CARF: variants seen among roughly 807,000 people sequenced by gnomAD.
The protein encoded by CARF is calcium-responsive transcription factor.
A neutral mutation model predicts 82.0 loss-of-function variants in CARF; 57 were observed. The ratio of observed to expected loss-of-function variants is 0.70; its 90% CI spans 0.56 to 0.87. The LOEUF (loss-of-function observed/expected upper bound fraction) is 0.87. Ranked by LOEUF, CARF falls within the 40% of genes least tolerant of loss-of-function variation. CARF has a pLI of 0.00. For missense variants in CARF, 771 were observed against 855.8 expected, an observed-to-expected ratio of 0.90 and a Z score of 1.24; for synonymous variants, 268 against 290.1, an observed-to-expected ratio of 0.92 and a Z score of 0.77.
rs2060483132 is a variant in CARF, at chr2:202,987,379, C to T, written c.*3755C>T. 6.6e-6 allele frequency among the ~76,000 whole-genome samples: 1 copy of T among 151,354 alleles called. No homozygotes were observed. Among genetic ancestry groups the T allele is most frequent in the African/African-American group, 2.4e-5 (1 of 41,148 alleles). ...TCTTTGCTTTTTTTTAAACTTTATT[C>T]CACTCTGTACCTATTTTTGAGGACC... On this transcript the variant is annotated 3_prime_UTR_variant, in exon 17 of 17. Transcript: ENST00000438828.
chr2:202,914,788 AAAACAAAC>A lies in CARF; in HGVS notation c.-330+1690_-330+1697del, dbSNP rs1220685103. ...GAGTGAAACTCCATCTCAAAAAAAA[AAAACAAAC>A]AAAAAATCAGAGCAAAAAGGTAAAA... On this transcript the variant is annotated intron_variant, in intron 1 of 16. Transcript: ENST00000438828. 9.5e-5 allele frequency among the ~76,000 whole-genome samples: 14 copies of A among 147,860 alleles called. 2 individuals carry two copies. Among genetic ancestry groups the A allele is most frequent in the Admixed American group, 5.4e-4 (8 of 14,750 alleles).
chr2:202,949,941 G>A (rs2058683534), intron 5 of CARF, among the ~76,000 whole-genome samples: 1 of 152,110 alleles, frequency 6.6e-6, no homozygotes, highest in African/African-American at 2.4e-5. Context: ...AAGCTGAATT[G>A]GTCTTTTGAA....
intron 8 of CARF, among the ~76,000 whole-genome samples, chr2:202,958,814 A>G (rs1390136531): frequency 1.3e-5 from 2 of 151,076 alleles, no homozygotes; most frequent in Non-Finnish European, 2.9e-5. Flanking sequence ...CTGAGGCAGG[A>G]GAATCGCTTG....
chr2:202,960,325 C>A (rs1344860782), intron 8 of CARF, among the ~76,000 whole-genome samples: 4 of 151,948 alleles, frequency 2.6e-5, no homozygotes, highest in Non-Finnish European at 5.9e-5. Context: ...TCTCAACTCA[C>A]TGCAACCTCC....
At chr2:202,961,196 G>A (rs371806353) in intron 8 of CARF, 41 bp from the exon 9 acceptor site, 100 of 1,487,964 alleles carry the variant, frequency 6.7e-5, no homozygotes, top group Non-Finnish European at 9.1e-5. Context: ...ATGCAATGAA[G>A]TGTATTGCTA....
chr2:202,975,987 G>A (rs2060008063), intron 13 of CARF, among the ~76,000 whole-genome samples: 1 of 151,996 alleles, frequency 6.6e-6, no homozygotes, highest in South Asian at 2.1e-4. Flanking sequence ...GGAGGTTGCA[G>A]TGAGCCATGA....
chr2:202,980,616 GTA>G lies in CARF; in HGVS notation c.1559-894_1559-893del, dbSNP rs34656288. Among the ~76,000 whole-genome samples, 222 of 42,524 alleles carry G rather than the reference GTA, an allele frequency of 5.2e-3. 1 individual carries two copies. Among genetic ancestry groups the G allele is most frequent in the African/African-American group, 0.019 (111 of 5,992 alleles). The allele number at this position is 42,524 out of a possible 152,430, so 27.9% of individuals were successfully genotyped here. ...GAGTTACAGATATAGCGTCTTTCAAGTATATATATATATATATATATATATAT... is the reference window on the plus strand; with the variant it reads ...GAGTTACAGATATAGCGTCTTTCAAGTATATATATATATATATATATATAT... On this transcript the variant is annotated intron_variant, in intron 14 of 16. Coordinates refer to ENST00000438828, the MANE Select transcript of CARF (RefSeq NM_024744.17).
At chr2:202,935,087 T>A (rs980690113) in intron 3 of CARF, among the ~76,000 whole-genome samples, 8 of 94,836 alleles carry the variant, frequency 8.4e-5, no homozygotes, top group African/African-American at 1.4e-4. Context: ...AAAAAAAAAA[T>A]ACATATTATA....
chr2:202,921,599 C>G (rs1690802569), intron 2 of CARF, among the ~76,000 whole-genome samples: 1 of 152,018 alleles, frequency 6.6e-6, no homozygotes, highest in African/African-American at 2.4e-5. Context: ...TCTTGATCAT[C>G]CTTGTATCTC....
intron 9 of CARF, among the ~76,000 whole-genome samples, chr2:202,965,992 C>G (rs1207974020): frequency 6.6e-6 from 1 of 152,172 alleles, no homozygotes; most frequent in East Asian, 1.9e-4. Context: ...GGTCTACTTT[C>G]AGATTCACTC....
intron 8 of CARF, 134 bp from the exon 9 acceptor site, chr2:202,961,103 C>T: frequency 2.9e-6 from 2 of 698,256 alleles, no homozygotes; most frequent in South Asian, 2.0e-5. Context: ...TGTAATAGAC[C>T]ATTGATCTGA....
In CARF at chr2:202,974,322, T is replaced by C; in HGVS notation, c.1332-12T>C. The C allele has an allele frequency of 6.4e-7, 1 of 1,567,496 alleles. No homozygotes were observed. The highest frequency in any genetic ancestry group is 8.6e-7 in the Non-Finnish European group (1 of 1,164,820). On this transcript the variant is annotated splice_polypyrimidine_tract_variant and intron_variant, in intron 12 of 16. Coordinates refer to ENST00000438828, the MANE Select transcript of CARF (RefSeq NM_024744.17). The stretch of plus-strand genomic sequence containing the variant: ...TGGTTTATGTCTTTATTCCATTTTG[T>C]ATTCTTTACAGAAAATTTGTGGAAA...
At chr2:202,946,211 A>G (rs530691987) in intron 5 of CARF, among the ~76,000 whole-genome samples, 2 of 152,356 alleles carry the variant, frequency 1.3e-5, no homozygotes, top group African/African-American at 4.8e-5. Context: ...AGCAAAAAGA[A>G]CAAAGCTAGA....
chr2:202,982,626 T>A (rs146978753), intron 16 of CARF, among the ~76,000 whole-genome samples, 185 bp downstream of exon 16: 2 of 152,296 alleles, frequency 1.3e-5, no homozygotes, highest in East Asian at 3.9e-4. Flanking sequence ...TAACCTTAAA[T>A]TTTCTTCTTC....
intron 2 of CARF, among the ~76,000 whole-genome samples, chr2:202,921,024 C>T (rs1238219641): frequency 6.6e-6 from 1 of 152,070 alleles, no homozygotes; most frequent in Non-Finnish European, 1.5e-5. Context: ...TTTTTTGAGA[C>T]GGAGTCTCAC....
intron 3 of CARF, chr2:202,925,378 A>G (rs899702138): frequency 1.3e-5 from 4 of 300,266 alleles, no homozygotes; most frequent in East Asian, 8.8e-5. Context: ...GGTCCTGTCC[A>G]TGGACAACAG....
At chr2:202,980,616 G>GTACATATA (rs1553578617) in intron 14 of CARF, among the ~76,000 whole-genome samples, 1 of 42,664 alleles carries the variant, frequency 2.3e-5, no homozygotes, top group Non-Finnish European at 4.3e-5. Context: ...CGTCTTTCAA[G>GTACATATA]TATATATATA....
At chr2:202,935,547 C>T (rs1186176661) in intron 3 of CARF, among the ~76,000 whole-genome samples, 8 of 151,862 alleles carry the variant, frequency 5.3e-5, no homozygotes, top group East Asian at 1.9e-4. Flanking sequence ...CCTCAGCTTG[C>T]CGAGAAGCTG....
chr2:202,933,484 T>G lies in CARF; in HGVS notation c.-43-8376T>G, dbSNP rs6715081. ...TGAAGACTGCAGGGAACCTCAGTGGTGAGGTCTATTGGTAGGGTTGGTTAC... is the reference window on the plus strand; with the variant it reads ...TGAAGACTGCAGGGAACCTCAGTGGGGAGGTCTATTGGTAGGGTTGGTTAC... On this transcript the variant is annotated intron_variant, in intron 3 of 16. Coordinates refer to ENST00000438828, the MANE Select transcript of CARF (RefSeq NM_024744.17). 4.7e-3 allele frequency among the ~76,000 whole-genome samples: 714 copies of G among 152,182 alleles called. 8 individuals carry two copies. Among genetic ancestry groups the G allele is most frequent in the African/African-American group, 0.016 (674 of 41,498 alleles).
Sources: allele counts gnomAD v4.1 joint callset (sites outside exome capture counted in the v4.1 genomes callset), GRCh38; gene constraint gnomAD v4.1.1; transcripts MANE v1.5; gene names NCBI Gene and HGNC (gene_info 2026-07-23, HGNC 2026-07-21).